The following GAP43 variants were observed in gnomAD, a reference collection of about 807,000 sequenced individuals.
GAP43 encodes growth associated protein 43, also known as neuromodulin.
Under a neutral mutation model 18.6 loss-of-function variants are expected in GAP43, and 6 were observed. The ratio of observed to expected loss-of-function variants is 0.32; its 90% CI spans 0.18 to 0.64. GAP43 has a LOEUF of 0.64. Among genes scored for constraint, GAP43 ranks in the 30% least tolerant of loss-of-function variants. The pLI is 0.78. For synonymous variants in GAP43, 115 were observed against 111.4 expected (o/e 1.03, Z -0.20); for missense variants, 292 against 295.5 (o/e 0.99, Z 0.09).
At chr3:115,710,266 T>C (rs1377334083) in intron 2 of GAP43, among the ~76,000 whole-genome samples, 1 of 152,114 alleles carries the variant, frequency 6.6e-6, no homozygotes, top group Non-Finnish European at 1.5e-5. Flanking sequence ...CTTTTTTTTT[T>C]TGTCTGTAGA....
At chr3:115,633,774 T>C (rs933896212) in intron 1 of GAP43, among the ~76,000 whole-genome samples, 1 of 152,170 alleles carries the variant, frequency 6.6e-6, no homozygotes, top group African/African-American at 2.4e-5. Context: ...CTAGCTACCA[T>C]ATATTCTTGC....
chr3:115,663,964 C>T lies in GAP43; in HGVS notation c.31-12049C>T. 2.6e-6 allele frequency: 4 copies of T among 1,518,600 alleles called. No individual in the cohort carries two copies. In the South Asian group the frequency reaches 3.6e-5, roughly 14 times the overall value. The allele number at this position is 1,518,600 out of a possible 1,614,324, so 94.1% of individuals were successfully genotyped here. On this transcript the variant is annotated intron_variant, in intron 1 of 2. Coordinates refer to ENST00000305124, the MANE Select transcript of GAP43 (RefSeq NM_002045.4). ...CTATACAAGTATTTTAGGTTAAAAC[C>T]CTGACTCTGCCACTTACTAGCTGTA... is the stretch of plus-strand genomic sequence containing the variant.
chr3:115,630,342 G>C (rs1410020500), intron 1 of GAP43, among the ~76,000 whole-genome samples: 2 of 152,142 alleles, frequency 1.3e-5, no homozygotes, highest in African/African-American at 4.8e-5. Context: ...ATTTCACAAA[G>C]ATAAATCATG....
chr3:115,719,714 C>T (rs1317857978), intron 2 of GAP43, among the ~76,000 whole-genome samples: 1 of 152,120 alleles, frequency 6.6e-6, no homozygotes, highest in Non-Finnish European at 1.5e-5. Flanking sequence ...TGTGTTTTTT[C>T]GCTGCAATAA....
chr3:115,655,274 G>C (rs964792096), intron 1 of GAP43, among the ~76,000 whole-genome samples: 3 of 152,314 alleles, frequency 2.0e-5, no homozygotes, highest in Admixed American at 1.3e-4. Context: ...CCTGAAACTA[G>C]AGTCAATGGT....
At position 115,676,450 on chromosome 3, in the gene GAP43, T is replaced by A; in HGVS notation, c.468T>A (p.Ala156=). Residue 156 remains alanine, a synonymous_variant, in exon 2 of 3, where the codon GCT becomes GCA. Coordinates refer to ENST00000305124, the MANE Select transcript of GAP43 (RefSeq NM_002045.4). ...CTGATAACTCGCCGTCCTCCAAGGC[T>A]GAAGATGCCCCAGCCAAGGAGGAGC... ...ASTDNSPSSK[A]EDAPAKEEPK... is the part of the protein sequence containing the mutation. 1 of 1,614,014 alleles carries A rather than the reference T, an allele frequency of 6.2e-7. No homozygotes were observed.
At chr3:115,682,724 A>G (rs568444414) in intron 2 of GAP43, among the ~76,000 whole-genome samples, 23 of 152,262 alleles carry the variant, frequency 1.5e-4, no homozygotes, top group African/African-American at 5.5e-4. Flanking sequence ...TTTAGTAAAG[A>G]CGGGATTTTA....
At chr3:115,705,825 A>C (rs997172720) in intron 2 of GAP43, among the ~76,000 whole-genome samples, 4 of 152,170 alleles carry the variant, frequency 2.6e-5, no homozygotes, top group African/African-American at 9.7e-5. Context: ...ACGAGGTATA[A>C]TTTTTTGAAA....
intron 2 of GAP43, among the ~76,000 whole-genome samples, chr3:115,698,133 T>TATATTATATATATA (rs1709233741): frequency 1.8e-3 from 17 of 9,412 alleles, no homozygotes; most frequent in Middle Eastern, 0.25. Flanking sequence ...TTATATATAA[T>TATATTATATATATA]ATATATAATA....
At chr3:115,664,221 AG>A (rs28399380) in intron 1 of GAP43, among the ~76,000 whole-genome samples, 38,504 of 128,452 alleles carry the variant, frequency 0.3, 6,388 homozygotes, top group Non-Finnish European at 0.39. Context: ...CAAGCATATG[AG>A]GGTATTTTAT....
chr3:115,693,728 A>G (rs1007054856), intron 2 of GAP43, among the ~76,000 whole-genome samples: 1 of 126,830 alleles, frequency 7.9e-6, no homozygotes, highest in Non-Finnish European at 1.6e-5. Flanking sequence ...AAGAGAGAAG[A>G]GTTGTGAAGT....
rs201037002 is a variant in GAP43, at chr3:115,647,754, A to AAAAC, written c.30+24039_30+24042dup. Among the ~76,000 whole-genome samples the AAAAC allele has an allele frequency of 9.4e-3, 819 of 87,410 alleles. 9 individuals are homozygous for AAAAC. Among genetic ancestry groups the AAAAC allele is most frequent in the African/African-American group, 0.022 (646 of 28,988 alleles). 57.3% of individuals were successfully genotyped at this position (87,410 alleles called of 152,430 possible). The stretch of plus-strand genomic sequence containing the variant: ...AAAAACAAAAACAAAACAAAACAAA[A>AAAAC]AAACAAAAAAAAAAAACGGCCTGAT... On this transcript the variant is annotated intron_variant, in intron 1 of 2. Coordinates refer to ENST00000305124, the MANE Select transcript of GAP43 (RefSeq NM_002045.4).
chr3:115,637,331 G>A (rs1233565628), intron 1 of GAP43, among the ~76,000 whole-genome samples: 1 of 152,062 alleles, frequency 6.6e-6, no homozygotes, highest in East Asian at 1.9e-4. Flanking sequence ...GATAAGCTCT[G>A]TATTAGACTC....
At chr3:115,666,118 C>CTA (rs1708729891) in intron 1 of GAP43, among the ~76,000 whole-genome samples, 1 of 151,788 alleles carries the variant, frequency 6.6e-6, no homozygotes, top group Admixed American at 6.6e-5. Flanking sequence ...AGCTCCTACA[C>CTA]TAGGTGAAGT....
At chr3:115,682,452 C>G (rs1050431187) in intron 2 of GAP43, among the ~76,000 whole-genome samples, 5 of 152,146 alleles carry the variant, frequency 3.3e-5, no homozygotes, top group African/African-American at 2.4e-5. Context: ...GGTCTACCCC[C>G]CTTTGGCAAG....
intron 2 of GAP43, among the ~76,000 whole-genome samples, chr3:115,681,767 A>T (rs546611758): frequency 2.0e-5 from 3 of 152,320 alleles, no homozygotes; most frequent in African/African-American, 7.2e-5. Flanking sequence ...GTTCCATTTA[A>T]TCATCATAAC....
intron 1 of GAP43, among the ~76,000 whole-genome samples, chr3:115,638,553 T>A (rs942624918): frequency 6.6e-6 from 1 of 151,864 alleles, no homozygotes; most frequent in African/African-American, 2.4e-5. Flanking sequence ...TCAATCTGAT[T>A]TTTTTTAAAA....
At chr3:115,627,046 T>C (rs567782243) in intron 1 of GAP43, among the ~76,000 whole-genome samples, 1 of 152,078 alleles carries the variant, frequency 6.6e-6, no homozygotes, top group East Asian at 1.9e-4. Flanking sequence ...CTCGTTCTTT[T>C]TTTTTTTTTT....
At chr3:115,681,510 G>T (rs574203236) in intron 2 of GAP43, among the ~76,000 whole-genome samples, 2 of 152,196 alleles carry the variant, frequency 1.3e-5, no homozygotes, top group Non-Finnish European at 2.9e-5. Flanking sequence ...GTAATATAAT[G>T]CAGGGAAAAG....
Sources: allele counts gnomAD v4.1 joint callset (sites outside exome capture counted in the v4.1 genomes callset), GRCh38; gene constraint gnomAD v4.1.1; transcripts MANE v1.5; gene names NCBI Gene and HGNC (gene_info 2026-07-23, HGNC 2026-07-21).